PLCB4: variants seen among roughly 807,000 people sequenced by gnomAD.
PLCB4 encodes 1-phosphatidylinositol 4,5-bisphosphate phosphodiesterase beta-4.
PLCB4 carries 77 observed loss-of-function variants against 178.8 expected under a neutral mutation model. That is an observed-to-expected ratio of 0.43 (90% CI 0.36 to 0.52). The LOEUF is 0.52. PLCB4 is among the 20% of genes least tolerant of loss of function. The pLI is 0.00. For synonymous variants in PLCB4, 496 were observed against 490.8 expected, an observed-to-expected ratio of 1.01 and a Z score of -0.14; for missense variants, 1,024 against 1,453.4, an observed-to-expected ratio of 0.70 and a Z score of 4.80.
intron 32 of PLCB4, among the ~76,000 whole-genome samples, chr20:9,448,877 C>T (rs2042576658): frequency 6.6e-6 from 1 of 152,110 alleles, no homozygotes; most frequent in South Asian, 2.1e-4. Flanking sequence ...TAGAAAGGAA[C>T]AGTGGGGTGA....
At chr20:9,108,237 G>A (rs2091440599) in intron 2 of PLCB4, among the ~76,000 whole-genome samples, 1 of 152,146 alleles carries the variant, frequency 6.6e-6, no homozygotes, top group Non-Finnish European at 1.5e-5. Flanking sequence ...TGTAAATGTG[G>A]GAGTTGTGAG....
At chr20:9,291,915 G>A (rs6056516) in intron 3 of PLCB4, among the ~76,000 whole-genome samples, 1 of 152,152 alleles carries the variant, frequency 6.6e-6, no homozygotes, top group Non-Finnish European at 1.5e-5. Context: ...CATGGTCTTA[G>A]GCTTTATCCT....
intron 3 of PLCB4, among the ~76,000 whole-genome samples, chr20:9,248,685 T>C (rs906487196): frequency 3.9e-5 from 6 of 152,232 alleles, no homozygotes; most frequent in Non-Finnish European, 8.8e-5. Context: ...CACTGAGAAC[T>C]ATGTATTTAT....
chr20:9,167,774 C>T (rs1266753799), intron 2 of PLCB4, among the ~76,000 whole-genome samples: 1 of 152,164 alleles, frequency 6.6e-6, no homozygotes, highest in Non-Finnish European at 1.5e-5. Context: ...GCTTTAGAAA[C>T]ATATTTCATA....
At chr20:9,455,995 C>T (rs1041564108) in intron 33 of PLCB4, among the ~76,000 whole-genome samples, 1 of 152,056 alleles carries the variant, frequency 6.6e-6, no homozygotes, top group Non-Finnish European at 1.5e-5. Context: ...GCTGCCATGC[C>T]GGCTAATTTT....
chr20:9,271,058 A>G (rs1006144626), intron 3 of PLCB4, among the ~76,000 whole-genome samples: 1 of 152,144 alleles, frequency 6.6e-6, no homozygotes, highest in African/African-American at 2.4e-5. Context: ...AGAAAAAGAA[A>G]AGGTTACAAC....
At chr20:9,385,079 A>C (rs978478972) in intron 14 of PLCB4, among the ~76,000 whole-genome samples, 7 of 152,102 alleles carry the variant, frequency 4.6e-5, no homozygotes. Flanking sequence ...AATCCATTTA[A>C]CCCTGAGTTG....
intron 2 of PLCB4, among the ~76,000 whole-genome samples, chr20:9,131,840 A>G (rs941977651): frequency 2.6e-5 from 4 of 152,172 alleles, no homozygotes; most frequent in Non-Finnish European, 4.4e-5. Flanking sequence ...AGGCTTGATA[A>G]TCATTTGGGC....
intron 34 of PLCB4, 144 bp from the exon 35 acceptor site, chr20:9,459,491 T>C (rs2043260322): frequency 2.0e-6 from 1 of 507,682 alleles, no homozygotes; most frequent in Admixed American, 3.2e-5. Context: ...TTAATACATA[T>C]TATTTTTTGG....
At chr20:9,193,512 A>C (rs901415559) in intron 2 of PLCB4, among the ~76,000 whole-genome samples, 7 of 152,186 alleles carry the variant, frequency 4.6e-5, no homozygotes, top group Non-Finnish European at 1.0e-4. Flanking sequence ...AAAGAATCAC[A>C]GCATTTGTAT....
At chr20:9,273,675 A>AGT (rs398035325) in intron 3 of PLCB4, among the ~76,000 whole-genome samples, 37,871 of 135,644 alleles carry the variant, frequency 0.28, 5,256 homozygotes, top group African/African-American at 0.38. Flanking sequence ...TTATGGTTGC[A>AGT]GTGTGTGTGT....
intron 28 of PLCB4, among the ~76,000 whole-genome samples, chr20:9,432,518 A>C (rs1476925474): frequency 2.0e-5 from 3 of 152,232 alleles, no homozygotes; most frequent in African/African-American, 7.2e-5. Context: ...GTGAGAATGT[A>C]CAGAGAAGCA....
At chr20:9,317,807 G>A (rs1372769698) in intron 4 of PLCB4, among the ~76,000 whole-genome samples, 4 of 152,170 alleles carry the variant, frequency 2.6e-5, no homozygotes, top group Admixed American at 2.6e-4. Context: ...TTGTAGTAAA[G>A]AAAGAGTTTG....
intron 3 of PLCB4, among the ~76,000 whole-genome samples, chr20:9,264,443 C>T (rs2094328856): frequency 6.6e-6 from 1 of 152,144 alleles, no homozygotes; most frequent in Admixed American, 6.5e-5. Context: ...ATGGAAATAA[C>T]AAGAATTTCT....
intron 1 of PLCB4, among the ~76,000 whole-genome samples, chr20:9,075,982 T>C (rs1055487776): frequency 6.6e-6 from 1 of 152,168 alleles, no homozygotes; most frequent in Non-Finnish European, 1.5e-5. Flanking sequence ...TGCCCTTTAA[T>C]TTTTTTGGCT....
intron 19 of PLCB4, among the ~76,000 whole-genome samples, chr20:9,396,891 A>G (rs2038628168): frequency 6.6e-6 from 1 of 152,224 alleles, no homozygotes; most frequent in African/African-American, 2.4e-5. Context: ...TCATATTGAA[A>G]TCTTTTTGTG....
At chr20:9,383,747 C>G (rs1423896593) in intron 13 of PLCB4, among the ~76,000 whole-genome samples, 1 of 152,198 alleles carries the variant, frequency 6.6e-6, no homozygotes, top group African/African-American at 2.4e-5. Flanking sequence ...AATACATTTT[C>G]CATTTTTAAA....
chr20:9,302,430 G>A (rs1332629422), intron 3 of PLCB4, among the ~76,000 whole-genome samples: 1 of 152,104 alleles, frequency 6.6e-6, no homozygotes, highest in Non-Finnish European at 1.5e-5. Context: ...TGTACCATGT[G>A]TGTAAAATAA....
chr20:9,069,434 A>G (rs2089452558), intron 1 of PLCB4, among the ~76,000 whole-genome samples: 1 of 152,092 alleles, frequency 6.6e-6, no homozygotes. Context: ...GGGTTTCCTC[A>G]GACTCTCTCC....
Sources: gnomAD v4.1 joint callset for allele counts (sites outside exome capture counted in the v4.1 genomes callset) on GRCh38, gnomAD v4.1.1 for gene constraint, MANE v1.5 for transcripts, NCBI Gene and HGNC (gene_info 2026-07-23, HGNC 2026-07-21) for gene names.